Variants in ZNF705A observed in about 807,000 individuals in gnomAD.
ZNF705A encodes zinc finger protein 705A.
Under a neutral mutation model 16.6 loss-of-function variants are expected in ZNF705A, and 8 were observed. That is an observed-to-expected ratio of 0.48 (90% CI 0.28 to 0.87). ZNF705A has a LOEUF of 0.87. Among genes scored for constraint, ZNF705A ranks in the 40% least tolerant of loss-of-function variants. The pLI is 0.10. For synonymous variants in ZNF705A, 73 were observed against 117.3 expected (o/e 0.62, Z 2.44); for missense variants, 233 against 359.9 (o/e 0.65, Z 2.85).
chr12:8,176,848 C>G, intron 4 of ZNF705A, 151 bp from the exon 6 acceptor site: 1 of 1,297,916 alleles, frequency 7.7e-7, no homozygotes, highest in Non-Finnish European at 1.0e-6. Context: ...TTTGGGGTCC[C>G]AAAATTTAAT....
intron 1 of ZNF705A, among the ~76,000 whole-genome samples, chr12:8,162,428 C>T (rs968827728): frequency 2.9e-4 from 44 of 152,136 alleles, no homozygotes; most frequent in African/African-American, 8.7e-4. Context: ...CAGTAAAGGC[C>T]GAAACTTAGT....
At chr12:8,172,866 A>G (rs34787357) in intron 1 of ZNF705A, among the ~76,000 whole-genome samples, 81,444 of 151,938 alleles carry the variant, frequency 0.54, 21,982 homozygotes, top group Non-Finnish European at 0.57. Context: ...TGTGTCAAAG[A>G]CTCCTAAATT....
intron 1 of ZNF705A, among the ~76,000 whole-genome samples, chr12:8,162,950 A>T (rs1457622947): frequency 6.6e-6 from 1 of 152,210 alleles, no homozygotes; most frequent in Non-Finnish European, 1.5e-5. Context: ...TGCCTCATCC[A>T]CTACTGTATG....
Position 8,177,258 on chromosome 12 carries a change from C to T in ZNF705A, c.578C>T (p.Thr193Ile), listed in dbSNP as rs767925088. Reference sequence around the variant, plus strand: ...TTTCGCCTTAGACGGCACAAGATGACTCACACTGGAGAGAGGCCATATGCA... The same window carrying T: ...TTTCGCCTTAGACGGCACAAGATGATTCACACTGGAGAGAGGCCATATGCA... The change falls in exon 5 of 5, where the codon ACT becomes ATT. Residue 193 changes from threonine (T) to isoleucine (I), a missense_variant. Thr to Ile is a moderately conservative substitution (Grantham distance 89, BLOSUM62 -1). Around this residue, in one of 3 missense-constraint regions of ZNF705A, gnomAD observed 220 missense variants for 271.4 expected, o/e 0.81. Coordinates refer to ENST00000359286, the Ensembl canonical transcript of ZNF705A. 3 of 1,611,626 alleles carry T rather than the reference C, an allele frequency of 1.9e-6. No individual in the cohort carries two copies. The African/African-American group carries it at 4.0e-5, about 22-fold the overall frequency.
chr12:8,168,192 G>T (rs1948415592), upstream of ZNF705A, among the ~76,000 whole-genome samples: 1 of 152,152 alleles, frequency 6.6e-6, no homozygotes, highest in Non-Finnish European at 1.5e-5. Flanking sequence ...TCTGCATTTA[G>T]TTCACATTTT....
chr12:8,174,770 T>C (rs1591625504), intron 2 of ZNF705A, among the ~76,000 whole-genome samples: 1 of 152,246 alleles, frequency 6.6e-6, no homozygotes, highest in Non-Finnish European at 1.5e-5. Flanking sequence ...AAATATTTTC[T>C]AAATAACTCT....
intron 1 of ZNF705A, among the ~76,000 whole-genome samples, chr12:8,174,035 TA>T (rs1948465155): frequency 2.0e-5 from 3 of 152,362 alleles, no homozygotes; most frequent in Middle Eastern, 3.4e-3. Context: ...GAAAATTTTA[TA>T]ATCAGTTATG....
In ZNF705A at chr12:8,166,129, G is replaced by A. The variant is rs753870585; in HGVS notation, c.-71-6426G>A. The stretch of plus-strand genomic sequence containing the variant: ...AGTGGATCTACCATTCTCGGGTCTG[G>A]AAGATGGTGGCTGTCTTCTCAGAGC... On this transcript the variant is annotated intron_variant, in intron 1 of 5. Transcript: ENST00000396570. Among the ~76,000 whole-genome samples, 453 of 152,306 alleles carry A rather than the reference G, an allele frequency of 3.0e-3. 2 individuals carry two copies. The highest frequency in any genetic ancestry group is 9.8e-3 in the African/African-American group (407 of 41,564).
chr12:8,157,348 T>G (rs958961449), intron 1 of ZNF705A, among the ~76,000 whole-genome samples: 6 of 152,110 alleles, frequency 3.9e-5, no homozygotes, highest in African/African-American at 1.4e-4. Flanking sequence ...GTGAATTGGA[T>G]TTAAAGCCAA....
At chr12:8,174,451 C>T (rs755986434) in exon 2 of ZNF705A, 17 of 1,593,136 alleles carry the variant, frequency 1.1e-5, no homozygotes, top group Middle Eastern at 2.3e-4. Flanking sequence ...TGGTGTCCCT[C>T]GGTGAGTCCC....
intron 1 of ZNF705A, among the ~76,000 whole-genome samples, chr12:8,165,774 G>C (rs183056618): frequency 7.7e-4 from 117 of 152,026 alleles, no homozygotes; most frequent in African/African-American, 2.8e-3. Context: ...AGAACATATG[G>C]TATTTGGTTT....
chr12:8,171,995 C>T (rs1948449734), upstream of ZNF705A, among the ~76,000 whole-genome samples: 1 of 152,136 alleles, frequency 6.6e-6, no homozygotes, highest in Non-Finnish European at 1.5e-5. Flanking sequence ...CCTTGGCCTC[C>T]CAGAGTGCTG....
chr12:8,175,917 A>G (rs1948480804), exon 4 of ZNF705A: 1 of 1,611,460 alleles, frequency 6.2e-7, no homozygotes. Context: ...ATCACCAGAA[A>G]AGACGCATCC....
chr12:8,160,014 G>A (rs1443318024), intron 1 of ZNF705A, among the ~76,000 whole-genome samples: 2 of 152,028 alleles, frequency 1.3e-5, no homozygotes, highest in South Asian at 2.1e-4. Flanking sequence ...AGTGAAAGAT[G>A]GGGATCTAGT....
At chr12:8,173,045 T>C (rs1420695504) in intron 1 of ZNF705A, among the ~76,000 whole-genome samples, 1 of 152,246 alleles carries the variant, frequency 6.6e-6, no homozygotes, top group African/African-American at 2.4e-5. Flanking sequence ...GAAATAGACT[T>C]AGGATTGTGA....
Position 8,175,777 on chromosome 12 carries a change from A to G in ZNF705A, c.236-83A>G, listed in dbSNP as rs990229536. 21 of 1,600,418 alleles carry G rather than the reference A, an allele frequency of 1.3e-5. No homozygotes were observed. The African/African-American group carries it at 2.2e-4, about 16-fold the overall frequency. ...CCACATCTAAGTGTCAACTTTTGAA[A>G]AAAAGTAAATGGGCCTTGGGGCTTT... On this transcript the variant is annotated intron_variant, in intron 3 of 4. Coordinates refer to ENST00000359286, the Ensembl canonical transcript of ZNF705A.
intron 4 of ZNF705A, among the ~76,000 whole-genome samples, chr12:8,176,789 G>T (rs1458151268): frequency 1.3e-5 from 2 of 152,106 alleles, no homozygotes; most frequent in Admixed American, 1.3e-4. Flanking sequence ...GGGGAGGCAG[G>T]TTTCTGTGAC....
upstream of ZNF705A, among the ~76,000 whole-genome samples, chr12:8,170,516 T>C (rs1009258750): frequency 1.5e-4 from 22 of 147,756 alleles, no homozygotes; most frequent in African/African-American, 5.4e-4. Context: ...TTTTTGTCCC[T>C]GGCACAGTCT....
At chr12:8,170,558 G>C (rs1363862390), upstream of ZNF705A, among the ~76,000 whole-genome samples, 1 of 151,984 alleles carries the variant, frequency 6.6e-6, no homozygotes, top group Non-Finnish European at 1.5e-5. Context: ...TTTCATTCAT[G>C]TTTGGGTTAT....
Sources: gnomAD v4.1 joint callset for allele counts (sites outside exome capture counted in the v4.1 genomes callset) on GRCh38, gnomAD v4.1.1 for gene constraint, gnomAD v4.1.1 regional missense constraint, MANE v1.5 for transcripts, NCBI Gene and HGNC (gene_info 2026-07-23, HGNC 2026-07-21) for gene names.